MB21D2: variants seen among roughly 807,000 people sequenced by gnomAD.
The protein encoded by MB21D2 is Mab-21 domain containing 2, also known as nucleotidyltransferase MB21D2.
MB21D2 carries 9 observed loss-of-function variants against 33.3 expected under a neutral mutation model. That is an observed-to-expected ratio of 0.27 (90% CI 0.16 to 0.47). MB21D2 has a LOEUF of 0.47. MB21D2 is among the 20% of genes least tolerant of loss of function. MB21D2 has a pLI of 0.99. For missense variants in MB21D2, 540 were observed against 624.6 expected (o/e 0.86, Z 1.44); for synonymous variants, 241 against 236.3 (o/e 1.02, Z -0.18).
chr3:192,867,104 T>A (rs1219677119), intron 1 of MB21D2, among the ~76,000 whole-genome samples: 1 of 152,062 alleles, frequency 6.6e-6, no homozygotes, highest in Non-Finnish European at 1.5e-5. Flanking sequence ...TGACTGACTT[T>A]CCAACAGGCA....
intron 1 of MB21D2, among the ~76,000 whole-genome samples, chr3:192,884,517 C>T (rs1713682468): frequency 7.4e-6 from 1 of 135,790 alleles, no homozygotes; most frequent in African/African-American, 2.7e-5. Flanking sequence ...CAGGCGCCCG[C>T]CACCACGCCC....
intron 1 of MB21D2, among the ~76,000 whole-genome samples, chr3:192,905,319 T>A (rs1197063671): frequency 6.6e-6 from 1 of 152,092 alleles, no homozygotes; most frequent in Non-Finnish European, 1.5e-5. Flanking sequence ...CATGGCGAGA[T>A]CCTGTCTCTG....
intron 1 of MB21D2, among the ~76,000 whole-genome samples, chr3:192,896,155 T>C (rs537952754): frequency 4.8e-4 from 73 of 152,238 alleles, no homozygotes; most frequent in African/African-American, 1.7e-3. Flanking sequence ...AAAACCTTTT[T>C]AAAAAAACAT....
intron 1 of MB21D2, among the ~76,000 whole-genome samples, chr3:192,853,519 G>C (rs1412751534): frequency 6.6e-6 from 1 of 152,180 alleles, no homozygotes; most frequent in African/African-American, 2.4e-5. Flanking sequence ...GTTCCCACCT[G>C]AGTGTCACTC....
intron 1 of MB21D2, among the ~76,000 whole-genome samples, chr3:192,863,709 C>A (rs887168926): frequency 6.6e-6 from 1 of 152,062 alleles, no homozygotes; most frequent in African/African-American, 2.4e-5. Flanking sequence ...GGAGATGGAG[C>A]CTCCAGGAAG....
chr3:192,854,773 T>C (rs1433486040), intron 1 of MB21D2, among the ~76,000 whole-genome samples: 1 of 152,242 alleles, frequency 6.6e-6, no homozygotes, highest in East Asian at 1.9e-4. Flanking sequence ...CTAAGGTCTT[T>C]AAGAATTACA....
Position 192,799,678 on chromosome 3 carries a change from C to T in MB21D2, c.212-28G>A. ...GGAAATAAAGAAGAAAAAAACAACA[C>T]TATTACAGGAAACACAGACATAAGA... On this transcript the variant is annotated intron_variant, in intron 1 of 1. Transcript: ENST00000392452. The surrounding 1 kb of genome is among the most constrained non-coding windows in gnomAD (Gnocchi z 4.1). The T allele has an allele frequency of 6.3e-7, 1 of 1,592,312 alleles. No individual in the cohort carries two copies. The highest frequency in any genetic ancestry group is 8.5e-7 in the Non-Finnish European group (1 of 1,171,014).
At chr3:192,801,496 G>A (rs1311086589) in intron 1 of MB21D2, among the ~76,000 whole-genome samples, 1 of 152,210 alleles carries the variant, frequency 6.6e-6, no homozygotes, top group African/African-American at 2.4e-5. Flanking sequence ...AACTTTCAAT[G>A]TGATAGTATT....
intron 1 of MB21D2, among the ~76,000 whole-genome samples, chr3:192,877,029 G>C (rs1301470163): frequency 6.6e-6 from 1 of 152,118 alleles, no homozygotes; most frequent in Non-Finnish European, 1.5e-5. Context: ...AATTAATACA[G>C]GCTTATGGGT....
At chr3:192,814,829 C>T (rs6805090) in intron 1 of MB21D2, among the ~76,000 whole-genome samples, 11,039 of 147,770 alleles carry the variant, frequency 0.075, 1,375 homozygotes, top group African/African-American at 0.26. Context: ...TGTGCCACTG[C>T]ATTCCAGCCT....
intron 1 of MB21D2, among the ~76,000 whole-genome samples, chr3:192,913,669 T>A (rs1305918290): frequency 6.6e-6 from 1 of 151,910 alleles, no homozygotes; most frequent in Admixed American, 6.6e-5. Context: ...ACAAAAATTT[T>A]AAAAAATAAA....
chr3:192,858,338 T>G (rs369447839), intron 1 of MB21D2, among the ~76,000 whole-genome samples: 1 of 152,210 alleles, frequency 6.6e-6, no homozygotes, highest in Admixed American at 6.5e-5. Flanking sequence ...CCCAACCCCA[T>G]GTCACCAGCA....
In MB21D2 at chr3:192,896,866, C is replaced by T. The variant is rs1340362258; in HGVS notation, c.211+20764G>A. Among the ~76,000 whole-genome samples, 3 of 152,062 alleles carry T rather than the reference C, an allele frequency of 2.0e-5. No individual in the cohort carries two copies. The East Asian group carries it at 5.8e-4, about 29-fold the overall frequency. On this transcript the variant is annotated intron_variant, in intron 1 of 1. Transcript: ENST00000392452. Reference sequence around the variant, plus strand: ...GGAGCTTGCTTATGGCTGTGGGACCCCCTAGGAGGAGCAAAGAGCATGGGA... The same window carrying T: ...GGAGCTTGCTTATGGCTGTGGGACCTCCTAGGAGGAGCAAAGAGCATGGGA...
intron 1 of MB21D2, among the ~76,000 whole-genome samples, chr3:192,836,701 T>C (rs1712446927): frequency 1.3e-5 from 2 of 152,216 alleles, no homozygotes; most frequent in African/African-American, 4.8e-5. Context: ...ATTTCTGCTG[T>C]TTAAGCTACC....
At chr3:192,877,899 A>G (rs1031336578) in intron 1 of MB21D2, among the ~76,000 whole-genome samples, 8 of 152,020 alleles carry the variant, frequency 5.3e-5, no homozygotes, top group African/African-American at 1.7e-4. Context: ...TGAAAGGGCC[A>G]AAGATACAAG....
intron 1 of MB21D2, among the ~76,000 whole-genome samples, chr3:192,916,213 C>T (rs1714463582): frequency 6.6e-6 from 1 of 151,694 alleles, no homozygotes; most frequent in African/African-American, 2.4e-5. Context: ...TTGAAGAGTG[C>T]GGCGCAAAAG....
intron 1 of MB21D2, among the ~76,000 whole-genome samples, chr3:192,915,061 T>C (rs112945754): frequency 7.2e-5 from 11 of 152,292 alleles, no homozygotes; most frequent in African/African-American, 2.4e-4. Flanking sequence ...TAAAGAGGCT[T>C]GCACCCAATT....
chr3:192,912,174 A>G (rs1056693747), intron 1 of MB21D2, among the ~76,000 whole-genome samples: 3 of 152,348 alleles, frequency 2.0e-5, no homozygotes, highest in Non-Finnish European at 2.9e-5. Flanking sequence ...CCAGCAAAAT[A>G]TCCTGCTAGA....
intron 1 of MB21D2, among the ~76,000 whole-genome samples, chr3:192,802,051 C>T (rs921919205): frequency 2.6e-5 from 4 of 152,178 alleles, no homozygotes; most frequent in African/African-American, 9.7e-5. Flanking sequence ...GATACGGCAT[C>T]CAGGTCCCTC....
Sources: allele counts gnomAD v4.1 joint callset (sites outside exome capture counted in the v4.1 genomes callset), GRCh38; gene constraint gnomAD v4.1.1; non-coding constraint Gnocchi (gnomAD v3.1); transcripts MANE v1.5; gene names NCBI Gene and HGNC (gene_info 2026-07-23, HGNC 2026-07-21).